TNNI3K: variants seen among roughly 807,000 people sequenced by gnomAD.
The protein encoded by TNNI3K is TNNI3 interacting kinase.
Under a neutral mutation model 114.5 loss-of-function variants are expected in TNNI3K, and 140 were observed. The observed-to-expected ratio is 1.22, with a 90% confidence interval of 1.07 to 1.41. TNNI3K has a LOEUF of 1.41. Among genes scored for constraint, TNNI3K ranks in the 40% most tolerant of loss-of-function variants. The pLI, the probability that TNNI3K is intolerant of heterozygous loss-of-function variation, is 0.00. For synonymous variants in TNNI3K, 347 were observed against 347.5 expected, an observed-to-expected ratio of 1.00 and a Z score of 0.02; for missense variants, 1,125 against 1,007.6, an observed-to-expected ratio of 1.12 and a Z score of -1.58.
At chr1:74,388,238 AC>A (rs1663589021) in intron 17 of TNNI3K, among the ~76,000 whole-genome samples, 1 of 152,028 alleles carries the variant, frequency 6.6e-6, no homozygotes, top group African/African-American at 2.4e-5. Flanking sequence ...AGATTGCACC[AC>A]TGCACTCCAG....
chr1:74,296,598 C>T (rs916100303), intron 5 of TNNI3K, among the ~76,000 whole-genome samples: 4 of 151,914 alleles, frequency 2.6e-5, no homozygotes, highest in Non-Finnish European at 5.9e-5. Flanking sequence ...TTGAATATTT[C>T]CTTTAATGCA....
At chr1:74,472,308 A>G (rs1667976174) in intron 21 of TNNI3K, 1 of 617,434 alleles carries the variant, frequency 1.6e-6, no homozygotes, top group Non-Finnish European at 2.9e-6. Context: ...CTCCTCTGAT[A>G]ATTGCAGTTC....
chr1:74,511,529 G>A (rs529634082), intron 23 of TNNI3K, among the ~76,000 whole-genome samples: 2 of 152,162 alleles, frequency 1.3e-5, no homozygotes, highest in South Asian at 4.2e-4. Flanking sequence ...TATTACGCTA[G>A]CCTCTTCACT....
At chr1:74,422,362 A>C (rs953590029) in intron 17 of TNNI3K, among the ~76,000 whole-genome samples, 4 of 152,074 alleles carry the variant, frequency 2.6e-5, no homozygotes, top group African/African-American at 7.2e-5. Context: ...TACTGAAAAA[A>C]CACTATATGT....
At chr1:74,305,530 T>TA (rs1216042107) in intron 5 of TNNI3K, among the ~76,000 whole-genome samples, 1 of 152,164 alleles carries the variant, frequency 6.6e-6, no homozygotes, top group African/African-American at 2.4e-5. Flanking sequence ...GCAAAGCAAC[T>TA]AGTCGTTGGT....
chr1:74,288,143 A>G (rs1209525285), intron 5 of TNNI3K, among the ~76,000 whole-genome samples: 1 of 152,176 alleles, frequency 6.6e-6, no homozygotes, highest in Admixed American at 6.5e-5. Context: ...GTTATGGAAA[A>G]GAGTATAAAG....
intron 17 of TNNI3K, among the ~76,000 whole-genome samples, chr1:74,422,214 G>A (rs772092260): frequency 9.2e-5 from 14 of 151,804 alleles, no homozygotes; most frequent in South Asian, 6.2e-4. Flanking sequence ...CCCCTTTACC[G>A]GAAATAAAGT....
intron 2 of TNNI3K, among the ~76,000 whole-genome samples, chr1:74,242,870 T>G (rs1010653425): frequency 6.6e-6 from 1 of 152,014 alleles, no homozygotes; most frequent in African/African-American, 2.4e-5. Flanking sequence ...TCTCTATCTC[T>G]CCCTATTGTT....
At chr1:74,385,069 T>C (rs1663404701) in intron 17 of TNNI3K, among the ~76,000 whole-genome samples, 1 of 152,132 alleles carries the variant, frequency 6.6e-6, no homozygotes, top group East Asian at 1.9e-4. Context: ...ATCTCAATTA[T>C]GGGTTCAAAT....
At chr1:74,314,656 C>T (rs1478336482) in intron 5 of TNNI3K, among the ~76,000 whole-genome samples, 1 of 152,036 alleles carries the variant, frequency 6.6e-6, no homozygotes, top group Non-Finnish European at 1.5e-5. Flanking sequence ...ATGTCATAAA[C>T]ACATTTATAA....
chr1:74,355,468 G>A (rs1269769864), intron 11 of TNNI3K, among the ~76,000 whole-genome samples: 1 of 152,096 alleles, frequency 6.6e-6, no homozygotes, highest in East Asian at 1.9e-4. Flanking sequence ...GCTGGGTGTG[G>A]TGGCAGATGC....
At chr1:74,437,425 G>C (rs182072614) in intron 19 of TNNI3K, among the ~76,000 whole-genome samples, 36 of 152,154 alleles carry the variant, frequency 2.4e-4, no homozygotes, top group African/African-American at 8.4e-4. Flanking sequence ...AGGCAGTGAT[G>C]AGTGTTATGA....
At chr1:74,417,734 CAG>C (rs373459381) in intron 17 of TNNI3K, among the ~76,000 whole-genome samples, 286 of 92,044 alleles carry the variant, frequency 3.1e-3, no homozygotes, top group South Asian at 0.019. Context: ...GTGTGTGTGT[CAG>C]AGAGAGAGAG....
intron 9 of TNNI3K, among the ~76,000 whole-genome samples, chr1:74,350,630 C>T (rs1661286490): frequency 6.6e-6 from 1 of 151,934 alleles, no homozygotes; most frequent in African/African-American, 2.4e-5. Flanking sequence ...TAAGGACTTG[C>T]TTTATGAATC....
chr1:74,514,790 T>C (rs12074422), intron 23 of TNNI3K, among the ~76,000 whole-genome samples: 12,421 of 152,076 alleles, frequency 0.082, 1,123 homozygotes, highest in African/African-American at 0.22. Context: ...TGGGTTGAAT[T>C]GTATCCCCCA....
intron 5 of TNNI3K, among the ~76,000 whole-genome samples, chr1:74,272,009 C>G (rs1255680972): frequency 6.6e-6 from 1 of 151,834 alleles, no homozygotes. Context: ...AATCTCATGA[C>G]CTCCCTCTTT....
chr1:74,237,179 G>T (rs1161848851), intron 2 of TNNI3K, among the ~76,000 whole-genome samples: 1 of 151,918 alleles, frequency 6.6e-6, no homozygotes, highest in Non-Finnish European at 1.5e-5. Flanking sequence ...TTCAACTTAT[G>T]GTTCAAAAAG....
chr1:74,419,767 G>A (rs1490438187), intron 17 of TNNI3K, among the ~76,000 whole-genome samples: 2 of 152,064 alleles, frequency 1.3e-5, no homozygotes, highest in Non-Finnish European at 2.9e-5. Context: ...ACCTACACAG[G>A]ATATTATCAA....
At chr1:74,443,788 G>A (rs1054159024) in intron 20 of TNNI3K, among the ~76,000 whole-genome samples, 9 of 152,054 alleles carry the variant, frequency 5.9e-5, no homozygotes, top group African/African-American at 1.9e-4. Flanking sequence ...AAATCCAGCG[G>A]CACATCAAAA....
Sources: gnomAD v4.1 joint callset for allele counts (sites outside exome capture counted in the v4.1 genomes callset) on GRCh38, gnomAD v4.1.1 for gene constraint, MANE v1.5 for transcripts, NCBI Gene and HGNC (gene_info 2026-07-23, HGNC 2026-07-21) for gene names.